The following AFDN variants were observed in gnomAD, a reference collection of about 807,000 sequenced individuals.
AFDN encodes the protein afadin, adherens junction formation factor.
A neutral mutation model predicts 216.6 loss-of-function variants in AFDN; 68 were observed. That is an observed-to-expected ratio of 0.31 (90% CI 0.26 to 0.38). The LOEUF is 0.38. AFDN is among the 10% of genes least tolerant of loss of function. The pLI, the probability that AFDN is intolerant of heterozygous loss-of-function variation, is 1.00. For synonymous variants in AFDN, 868 were observed against 853.7 expected (o/e 1.02, Z -0.29); for missense variants, 2,136 against 2,342.0 (o/e 0.91, Z 1.82).
chr6:167,955,451 C>T (rs1047155749), intron 30 of AFDN, among the ~76,000 whole-genome samples: 16 of 152,092 alleles, frequency 1.1e-4, no homozygotes, highest in Admixed American at 3.3e-4. Flanking sequence ...CATTTTTCTC[C>T]CTACTTCTTT....
In AFDN at chr6:167,935,940, G is replaced by A. The variant is rs1255043545; in HGVS notation, c.3100-7189G>A. 2.0e-5 allele frequency among the ~76,000 whole-genome samples: 3 copies of A among 152,032 alleles called. No individual in the cohort carries two copies. The East Asian group carries it at 5.8e-4, about 29-fold the overall frequency. Reference sequence around the variant, plus strand: ...ACATACTATGAAAATCTACATTATTGGTGCAGCACTATCCGATAGAAATAT... The same window carrying A: ...ACATACTATGAAAATCTACATTATTAGTGCAGCACTATCCGATAGAAATAT... On this transcript the variant is annotated intron_variant, in intron 23 of 33. Transcript: ENST00000683244.
intron 23 of AFDN, among the ~76,000 whole-genome samples, chr6:167,931,139 T>C (rs1172080489): frequency 1.3e-5 from 2 of 152,224 alleles, no homozygotes; most frequent in East Asian, 3.8e-4. Flanking sequence ...TGGTAGGTAC[T>C]GATACATATT....
chr6:167,854,065 ATACTTT>A (rs1782615774), intron 1 of AFDN, among the ~76,000 whole-genome samples: 1 of 152,008 alleles, frequency 6.6e-6, no homozygotes, highest in East Asian at 1.9e-4. Flanking sequence ...CCTTGGGTAT[ATACTTT>A]TTTTTCCCCT....
At chr6:167,827,870 G>T (rs1036283739) in intron 1 of AFDN, 3 of 152,214 alleles carry the variant, frequency 2.0e-5, no homozygotes, top group Admixed American at 6.5e-5. Context: ...CTGCCCGGAG[G>T]GAGGCGCCGG....
At position 167,923,016 on chromosome 6, in the gene AFDN, A is replaced by T. The variant is rs753611216; in HGVS notation, c.3012+57A>T. 8 of 1,240,280 alleles carry T rather than the reference A, an allele frequency of 6.5e-6. No individual in the cohort carries two copies. In the African/African-American group the frequency reaches 9.0e-5, roughly 14 times the overall value. 76.8% of individuals were successfully genotyped at this position (1,240,280 alleles called of 1,614,324 possible). The stretch of plus-strand genomic sequence containing the variant: ...TGGATCCTTAGGACTTGAAGATGTG[A>T]TGCAGATTTGTTTCTTTCTTACACT... On this transcript the variant is annotated intron_variant, in intron 22 of 33. Coordinates refer to ENST00000683244, the MANE Select transcript of AFDN (RefSeq NM_001386888.1).
rs1308746809 is a variant in AFDN, at chr6:167,970,674, A to C, written c.*739A>C. 1 of 209,590 alleles carries C rather than the reference A, an allele frequency of 4.8e-6. No individual in the cohort carries two copies. The highest frequency in any genetic ancestry group is 2.3e-5 in the African/African-American group (1 of 44,116). The allele number at this position is 209,590 out of a possible 1,614,324, so 13.0% of individuals were successfully genotyped here. A position where few individuals can be genotyped will look rare whatever the true frequency, so the allele number is the denominator to read the frequency against. ...AGGGGATTTTATTTTTATAAATACCAGATTATTGTTAGACTTAATAAATCA... is the reference window on the plus strand; with the variant it reads ...AGGGGATTTTATTTTTATAAATACCCGATTATTGTTAGACTTAATAAATCA... On this transcript the variant is annotated 3_prime_UTR_variant, in exon 34 of 34. Coordinates refer to ENST00000683244, the MANE Select transcript of AFDN (RefSeq NM_001386888.1).
intron 30 of AFDN, among the ~76,000 whole-genome samples, chr6:167,952,839 T>C (rs1014324224): frequency 2.0e-5 from 3 of 152,228 alleles, no homozygotes; most frequent in African/African-American, 7.2e-5. Context: ...TTTGTTAAGG[T>C]AATAAACAAT....
rs753711058 is a variant in AFDN, at chr6:167,966,011, T to TGAGGAGGAG, written c.5235_5243dup (p.Glu1745_Glu1747dup). On this transcript the variant is annotated inframe_insertion, in exon 32 of 34. Coordinates refer to ENST00000683244, the MANE Select transcript of AFDN (RefSeq NM_001386888.1). ...TCACTGCCAAGTTTGTTGCATACAA[T>TGAGGAGGAG]GAGGAGGAGGAGGAGGAGGACTGCA... The TGAGGAGGAG allele has an allele frequency of 2.6e-6, 4 of 1,546,404 alleles. No individual in the cohort carries two copies. Among genetic ancestry groups the TGAGGAGGAG allele is most frequent in the Non-Finnish European group, 3.5e-6 (4 of 1,145,330 alleles).
chr6:167,904,925 C>T (rs2128421562), intron 12 of AFDN, among the ~76,000 whole-genome samples: 1 of 152,328 alleles, frequency 6.6e-6, no homozygotes, highest in Non-Finnish European at 1.5e-5. Flanking sequence ...TATCAGTCTT[C>T]ACCCTGACTT....
intron 21 of AFDN, among the ~76,000 whole-genome samples, chr6:167,919,390 A>G (rs936081956): frequency 6.6e-6 from 1 of 152,262 alleles, no homozygotes; most frequent in African/African-American, 2.4e-5. Flanking sequence ...CTGTGCTGCC[A>G]TTGGCAGGTG....
chr6:167,966,373 C>T, intron 32 of AFDN: 2 of 1,083,400 alleles, frequency 1.8e-6, no homozygotes, highest in Non-Finnish European at 2.4e-6. Context: ...GGCGATCATA[C>T]TTGCCTTGGA....
chr6:167,890,199 ATCTT>A (rs1787388579), intron 7 of AFDN, among the ~76,000 whole-genome samples: 1 of 152,226 alleles, frequency 6.6e-6, no homozygotes, highest in Non-Finnish European at 1.5e-5. Flanking sequence ...CACCAAAAAA[ATCTT>A]TCTCAGCAAG....
chr6:167,904,260 GTGCAGTGGCA>G (rs962820193), intron 12 of AFDN, among the ~76,000 whole-genome samples: 1 of 151,564 alleles, frequency 6.6e-6, no homozygotes, highest in African/African-American at 2.4e-5. Flanking sequence ...CCAGTTTGGA[GTGCAGTGGCA>G]TGATCTCGGC....
At chr6:167,878,647 C>T (rs1040764875) in intron 5 of AFDN, among the ~76,000 whole-genome samples, 2 of 152,006 alleles carry the variant, frequency 1.3e-5, no homozygotes, top group East Asian at 3.9e-4. Context: ...TTAAACCCTT[C>T]CAGTGGCTTT....
chr6:167,856,594 A>G (rs1023541605), intron 1 of AFDN, among the ~76,000 whole-genome samples: 4 of 152,158 alleles, frequency 2.6e-5, no homozygotes, highest in Non-Finnish European at 5.9e-5. Flanking sequence ...AGGTCACTGG[A>G]TAGCCATGTA....
intron 3 of AFDN, among the ~76,000 whole-genome samples, chr6:167,871,085 T>C (rs887871045): frequency 6.6e-6 from 1 of 152,146 alleles, no homozygotes; most frequent in Admixed American, 6.6e-5. Context: ...AGAATATTTT[T>C]ATGAAAAATC....
chr6:167,907,027 C>G (rs1007765396), intron 12 of AFDN, 144 bp from the exon 13 acceptor site: 2 of 629,920 alleles, frequency 3.2e-6, no homozygotes, highest in African/African-American at 3.7e-5. Flanking sequence ...ATAGTGTCCC[C>G]AGCATTGCTT....
intron 18 of AFDN, 88 bp downstream of exon 18, chr6:167,914,826 T>C: frequency 1.1e-6 from 1 of 898,248 alleles, no homozygotes; most frequent in Non-Finnish European, 1.7e-6. Flanking sequence ...AGTGGAGGTG[T>C]TTTTAAAATA....
chr6:167,914,620 C>T (rs767010191), intron 17 of AFDN, 24 bp from the exon 18 acceptor site: 1 of 1,510,910 alleles, frequency 6.6e-7, no homozygotes, highest in East Asian at 2.3e-5. Flanking sequence ...GCTAAGATTA[C>T]TTAAATTGTC....
Sources: allele counts gnomAD v4.1 joint callset (sites outside exome capture counted in the v4.1 genomes callset), GRCh38; gene constraint gnomAD v4.1.1; transcripts MANE v1.5; gene names NCBI Gene and HGNC (gene_info 2026-07-23, HGNC 2026-07-21).